Variants in CHTF8 observed in about 807,000 individuals in gnomAD.
The protein encoded by CHTF8 is chromosome transmission fidelity factor 8.
A neutral mutation model predicts 11.0 loss-of-function variants in CHTF8; 6 were observed. The observed-to-expected ratio is 0.55, with a 90% CI of 0.30 to 1.08. The LOEUF (loss-of-function observed/expected upper bound fraction) is 1.08. Among genes scored for constraint, CHTF8 ranks in the 50% least tolerant of loss-of-function variants. CHTF8 has a pLI of 0.07. For synonymous variants in CHTF8, 53 were observed against 60.5 expected (o/e 0.88, Z 0.57); for missense variants, 140 against 153.1 (o/e 0.91, Z 0.45).
intron 1 of CHTF8, among the ~76,000 whole-genome samples, chr16:69,122,953 A>G (rs1475784603): frequency 6.6e-6 from 1 of 152,124 alleles, no homozygotes; most frequent in East Asian, 1.9e-4. Context: ...TGCTGGGATT[A>G]CAGGCATTAG....
chr16:69,129,799 T>C (rs79698266), intron 1 of CHTF8, among the ~76,000 whole-genome samples: 17,755 of 152,270 alleles, frequency 0.12, 1,270 homozygotes, highest in Middle Eastern at 0.23. Context: ...CAGCATCTCT[T>C]ACAAAATGGC....
At position 69,119,052 on chromosome 16, in the gene CHTF8, G is replaced by C. The variant is rs2152264531; in HGVS notation, c.*1373C>G. The C allele has an allele frequency of 4.3e-6, 3 of 703,046 alleles. No homozygotes were observed. The highest frequency in any genetic ancestry group is 7.8e-6 in the Non-Finnish European group (3 of 385,022). The allele number at this position is 703,046 out of a possible 1,614,324, so 43.6% of individuals were successfully genotyped here. On this transcript the variant is annotated 3_prime_UTR_variant, in exon 4 of 4. Coordinates refer to ENST00000448552, the MANE Select transcript of CHTF8 (RefSeq NM_001039690.5). ...TTGGCCTTGTGAAAGGAGCTGGGTT[G>C]ATACCCACAGGGCCAGCTGGAGAAG...
chr16:69,130,495 C>T (rs1962419288), intron 1 of CHTF8, among the ~76,000 whole-genome samples: 1 of 152,086 alleles, frequency 6.6e-6, no homozygotes, highest in Admixed American at 6.5e-5. Context: ...ACTTTGTTTA[C>T]GAATATAGTG....
chr16:69,130,252 G>A (rs1479891518), intron 1 of CHTF8, among the ~76,000 whole-genome samples: 2 of 152,036 alleles, frequency 1.3e-5, no homozygotes, highest in African/African-American at 4.8e-5. Flanking sequence ...TTGACTCAAC[G>A]GTTTAACCTC....
intron 1 of CHTF8, among the ~76,000 whole-genome samples, chr16:69,123,826 G>A (rs191927644): frequency 4.0e-5 from 6 of 150,752 alleles, no homozygotes; most frequent in African/African-American, 1.2e-4. Flanking sequence ...AGTAGCTCAC[G>A]CCTGCAATTC....
Position 69,119,683 on chromosome 16 carries a change from A to G in CHTF8, c.*742T>C. The stretch of plus-strand genomic sequence containing the variant: ...CAAGAGGCCACCTGCTCTGGCATCT[A>G]GATTAGGGCCTGGGCCCAGGCCACT... On this transcript the variant is annotated 3_prime_UTR_variant, in exon 4 of 4. Transcript: ENST00000448552. 1 of 675,726 alleles carries G rather than the reference A, an allele frequency of 1.5e-6. No homozygotes were observed. Among genetic ancestry groups the G allele is most frequent in the East Asian group, 2.7e-5 (1 of 36,836 alleles). The allele number at this position is 675,726 out of a possible 1,614,324, so 41.9% of individuals were successfully genotyped here.
chr16:69,123,925 TAAAAAA>T (rs757493986), intron 1 of CHTF8, among the ~76,000 whole-genome samples: 1 of 76,962 alleles, frequency 1.3e-5, no homozygotes, highest in Non-Finnish European at 2.5e-5. Context: ...CCATCTCTAC[TAAAAAA>T]AAAAAAAAAA....
Position 69,120,769 on chromosome 16 carries a change from C to T in CHTF8, c.142-120G>A. 1 of 904,632 alleles carries T rather than the reference C, an allele frequency of 1.1e-6. No individual in the cohort carries two copies. The highest frequency in any genetic ancestry group is 1.7e-6 in the Non-Finnish European group (1 of 579,150). The allele number at this position is 904,632 out of a possible 1,614,324, so 56.0% of individuals were successfully genotyped here. On this transcript the variant is annotated intron_variant, in intron 3 of 3. Transcript: ENST00000448552. This position sits in a 1 kb window ranked among gnomAD's most constrained non-coding sequence, Gnocchi z 4.0. The stretch of plus-strand genomic sequence containing the variant: ...ACCTCCAATCCCTGGTCTGGCTCTG[C>T]CATTGTTGAGCAGCCACACTGGACC...
At chr16:69,124,413 T>C (rs753282454) in intron 1 of CHTF8, among the ~76,000 whole-genome samples, 1 of 152,174 alleles carries the variant, frequency 6.6e-6, no homozygotes, top group Non-Finnish European at 1.5e-5. Context: ...CCGATTAAAA[T>C]GTTAAACAGA....
chr16:69,123,596 T>C (rs538565646), intron 1 of CHTF8, among the ~76,000 whole-genome samples: 1 of 152,114 alleles, frequency 6.6e-6, no homozygotes, highest in East Asian at 1.9e-4. Context: ...AGGCAAAGGT[T>C]ACGGTGAGCC....
chr16:69,120,430 C>A lies in CHTF8; in HGVS notation c.361G>T (p.Val121Leu), dbSNP rs1301309552. The part of the protein sequence containing the change: ...KPIITSVPKK[V>L] ...AGGGAAAATCCGAGGTTCTTTCATA[C>A]TTTCTTGGGGACGCTGGTGATAATG... Residue 121 changes from valine to leucine, a missense_variant, in exon 4 of 4, where the codon GTA (valine) becomes TTA (leucine). Transcript: ENST00000448552. This position sits in a 1 kb window ranked among gnomAD's most constrained non-coding sequence, Gnocchi z 4.0. 5 of 1,614,136 alleles carry A rather than the reference C, an allele frequency of 3.1e-6. No individual in the cohort carries two copies. Among genetic ancestry groups the A allele is most frequent in the Non-Finnish European group, 4.2e-6 (5 of 1,180,018 alleles).
chr16:69,118,461 G>A lies in CHTF8; in HGVS notation c.*1964C>T. On this transcript the variant is annotated 3_prime_UTR_variant, in exon 4 of 4. Transcript: ENST00000448552. The stretch of plus-strand genomic sequence containing the variant: ...CAACGCCACGTTTCTAGAGAGCAGT[G>A]AGCTGATTCTCCAATGGTGAGCAGG... 2 of 1,581,766 alleles carry A rather than the reference G, an allele frequency of 1.3e-6. No individual in the cohort carries two copies. The highest frequency in any genetic ancestry group is 1.7e-6 in the Non-Finnish European group (2 of 1,150,538).
chr16:69,130,827 A>G (rs1164277231), intron 1 of CHTF8, among the ~76,000 whole-genome samples: 4 of 152,234 alleles, frequency 2.6e-5, no homozygotes, highest in African/African-American at 9.6e-5. Context: ...CGAAAGCAGC[A>G]GGTCATCAGA....
At position 69,118,398 on chromosome 16, in the gene CHTF8, C is replaced by G; in HGVS notation, c.*2027G>C. 6.2e-7 allele frequency: 1 copy of G among 1,613,126 alleles called. No homozygotes were observed. The highest frequency in any genetic ancestry group is 8.5e-7 in the Non-Finnish European group (1 of 1,179,126). ...GCAGTAGAGGATGACCAGGTCCAAG[C>G]TGCCCAGGTCAGAGCTACGGAAGCA... is the stretch of plus-strand genomic sequence containing the variant. On this transcript the variant is annotated 3_prime_UTR_variant, in exon 4 of 4. Transcript: ENST00000448552.
rs1961480754 is a variant in CHTF8, at chr16:69,119,747, C to T, written c.*678G>A. The T allele has an allele frequency of 2.9e-6, 2 of 694,898 alleles. No individual in the cohort carries two copies. Among genetic ancestry groups the T allele is most frequent in the Non-Finnish European group, 5.3e-6 (2 of 379,444 alleles). 43.0% of individuals were successfully genotyped at this position (694,898 alleles called of 1,614,324 possible). A position where few individuals can be genotyped will look rare whatever the true frequency, so the allele number is the denominator to read the frequency against. On this transcript the variant is annotated 3_prime_UTR_variant, in exon 4 of 4. Transcript: ENST00000448552. ...GGCCCAAGGCCTGGGCCTGGAAACA[C>T]ACCTGACCTGGGGGCAGGGTTTGTC... is the stretch of plus-strand genomic sequence containing the variant.
intron 1 of CHTF8, among the ~76,000 whole-genome samples, chr16:69,130,391 T>C (rs1407843439): frequency 1.3e-5 from 2 of 152,246 alleles, no homozygotes; most frequent in Non-Finnish European, 2.9e-5. Context: ...GTGAAATCAA[T>C]TATTTCAGAG....
chr16:69,126,990 T>C (rs761290438), intron 1 of CHTF8, among the ~76,000 whole-genome samples: 3 of 152,192 alleles, frequency 2.0e-5, no homozygotes, highest in Non-Finnish European at 2.9e-5. Flanking sequence ...CTCATGCCTG[T>C]AATCTCAGCA....
Position 69,119,105 on chromosome 16 carries a change from G to C in CHTF8, c.*1320C>G, listed in dbSNP as rs1375228522. On this transcript the variant is annotated 3_prime_UTR_variant, in exon 4 of 4. Coordinates refer to ENST00000448552, the MANE Select transcript of CHTF8 (RefSeq NM_001039690.5). ...CCCAGATGCCCGGCAGCTGGCCTGG[G>C]GAAAGTAACTTGACCAGGGCCTAAT... The C allele has an allele frequency of 7.1e-6, 5 of 703,086 alleles. No individual in the cohort carries two copies. Among genetic ancestry groups the C allele is most frequent in the Non-Finnish European group, 1.0e-5 (4 of 385,032 alleles). The allele number at this position is 703,086 out of a possible 1,614,324, so 43.6% of individuals were successfully genotyped here. A position where few individuals can be genotyped will look rare whatever the true frequency, so the allele number is the denominator to read the frequency against.
At position 69,120,481 on chromosome 16, in the gene CHTF8, T is replaced by A; in HGVS notation, c.310A>T (p.Ile104Phe). ...GGCTTGGGGCGGGTTTTGAAAAGGA[T>A]CTTGTCTTTGATGAGTGCTGTCACC... Reference protein sequence around the residue: ...YLVTALIKDKILFKTRPKPII... With the variant: ...YLVTALIKDKFLFKTRPKPII... The change falls in exon 4 of 4, where the codon ATC becomes TTC. Residue 104 changes from isoleucine (I) to phenylalanine (F), a missense_variant. Ile to Phe is a conservative substitution (Grantham distance 21). Transcript: ENST00000448552. The surrounding 1 kb of genome is among the most constrained non-coding windows in gnomAD (Gnocchi z 4.0). 6.2e-7 allele frequency: 1 copy of A among 1,614,082 alleles called. No individual in the cohort carries two copies. Among genetic ancestry groups the A allele is most frequent in the Non-Finnish European group, 8.5e-7 (1 of 1,180,018 alleles).
Sources: gnomAD v4.1 joint callset for allele counts (sites outside exome capture counted in the v4.1 genomes callset) on GRCh38, gnomAD v4.1.1 for gene constraint, Gnocchi (gnomAD v3.1) non-coding constraint, MANE v1.5 for transcripts, NCBI Gene and HGNC (gene_info 2026-07-23, HGNC 2026-07-21) for gene names.